The following SPOCK1 variants were observed in gnomAD, a reference collection of about 807,000 sequenced individuals.
SPOCK1 encodes the protein SPARC (osteonectin), cwcv and kazal like domains proteoglycan 1, also known as testican-1.
A neutral mutation model predicts 55.3 loss-of-function variants in SPOCK1; 23 were observed. That is an observed-to-expected ratio of 0.42 (90% CI 0.30 to 0.59). The LOEUF (loss-of-function observed/expected upper bound fraction) is 0.59. SPOCK1 is among the 20% of genes least tolerant of loss of function. The probability of loss-of-function intolerance (pLI) is 0.22; values close to 1 mark genes in which losing one functional copy is unlikely to be tolerated. For synonymous variants in SPOCK1, 226 were observed against 221.0 expected, an observed-to-expected ratio of 1.02 and a Z score of -0.20; for missense variants, 499 against 552.5, an observed-to-expected ratio of 0.90 and a Z score of 0.97.
intron 3 of SPOCK1, among the ~76,000 whole-genome samples, chr5:137,196,446 T>G (rs1755300383): frequency 6.6e-6 from 1 of 152,236 alleles, no homozygotes; most frequent in African/African-American, 2.4e-5. Flanking sequence ...GGTCCCTCTG[T>G]GGCATCTCAC....
intron 2 of SPOCK1, among the ~76,000 whole-genome samples, chr5:137,361,586 A>G (rs1019564767): frequency 1.3e-4 from 20 of 152,356 alleles, no homozygotes; most frequent in African/African-American, 4.3e-4. Context: ...ATGTGATTTC[A>G]ATTATGTAAA....
At chr5:137,027,801 TTC>T (rs139432166) in intron 6 of SPOCK1, among the ~76,000 whole-genome samples, 6,843 of 152,216 alleles carry the variant, frequency 0.045, 230 homozygotes, top group Non-Finnish European at 0.072. Context: ...GCACCCCTCA[TTC>T]TCTCTTGCAC....
At chr5:137,351,001 T>C (rs1750667408) in intron 2 of SPOCK1, among the ~76,000 whole-genome samples, 1 of 152,182 alleles carries the variant, frequency 6.6e-6, no homozygotes, top group South Asian at 2.1e-4. Flanking sequence ...CTCAGCGGAA[T>C]GTAGGTAGTC....
intron 2 of SPOCK1, among the ~76,000 whole-genome samples, chr5:137,462,752 G>T (rs1528968): frequency 0.4 from 61,232 of 152,050 alleles, 13,441 homozygotes; most frequent in East Asian, 0.64. Context: ...CCCTTAAAAG[G>T]TTAAGAGAGT....
In SPOCK1 at chr5:137,319,973, AC is replaced by A. The variant is rs1246736155; in HGVS notation, c.187-52919del. 4.4e-3 allele frequency among the ~76,000 whole-genome samples: 624 copies of A among 142,670 alleles called. 19 individuals carry two copies. The East Asian group carries it at 0.059, about 14-fold the overall frequency. The allele number at this position is 142,670 out of a possible 152,430, so 93.6% of individuals were successfully genotyped here. A position where few individuals can be genotyped will look rare whatever the true frequency, so the allele number is the denominator to read the frequency against. ...TCTCAAAAAAAAAAAAAAAAAAAAA[AC>A]AACACATGATCCAAAAAGCCTTTAT... On this transcript the variant is annotated intron_variant, in intron 2 of 10. Coordinates refer to ENST00000394945, the MANE Select transcript of SPOCK1 (RefSeq NM_004598.4).
At chr5:137,236,971 C>A (rs369618176) in intron 3 of SPOCK1, among the ~76,000 whole-genome samples, 1 of 152,160 alleles carries the variant, frequency 6.6e-6, no homozygotes, top group Admixed American at 6.5e-5. Flanking sequence ...TGAGGACCAA[C>A]GCAGGGATGA....
In SPOCK1 at chr5:137,285,400, A is replaced by G. The variant is rs150523037; in HGVS notation, c.187-18345T>C. Reference sequence around the variant, plus strand: ...CTTGAATCTTTCACAGCTAAAATCTACCTGGAAACATAAATTTCCCTCACT... The same window carrying G: ...CTTGAATCTTTCACAGCTAAAATCTGCCTGGAAACATAAATTTCCCTCACT... On this transcript the variant is annotated intron_variant, in intron 2 of 10. Coordinates refer to ENST00000394945, the MANE Select transcript of SPOCK1 (RefSeq NM_004598.4). Among the ~76,000 whole-genome samples, 957 of 152,330 alleles carry G rather than the reference A, an allele frequency of 6.3e-3. 4 individuals carry two copies. The highest frequency in any genetic ancestry group is 0.023 in the African/African-American group (937 of 41,576).
At chr5:137,237,769 G>A (rs1756206729) in intron 3 of SPOCK1, among the ~76,000 whole-genome samples, 2 of 152,150 alleles carry the variant, frequency 1.3e-5, no homozygotes, top group African/African-American at 4.8e-5. Flanking sequence ...CACCTGCAGG[G>A]CTTATTAAAA....
intron 2 of SPOCK1, among the ~76,000 whole-genome samples, chr5:137,373,932 GTT>G (rs937207687): frequency 4.2e-4 from 64 of 152,278 alleles, no homozygotes; most frequent in African/African-American, 1.4e-3. Flanking sequence ...AGCCCACACT[GTT>G]TTAGCTTCTG....
chr5:137,476,786 A>G (rs1753845744), intron 2 of SPOCK1, among the ~76,000 whole-genome samples: 1 of 152,170 alleles, frequency 6.6e-6, no homozygotes, highest in African/African-American at 2.4e-5. Flanking sequence ...TCAGCCAGGC[A>G]TGGAGGCAGG....
At chr5:137,442,043 CAA>C (rs1267825739) in intron 2 of SPOCK1, among the ~76,000 whole-genome samples, 19 of 152,178 alleles carry the variant, frequency 1.2e-4, no homozygotes, top group Admixed American at 1.1e-3. Flanking sequence ...GCAAAAAGAA[CAA>C]AGTCTGTCAG....
chr5:136,988,898 A>G (rs991487623), intron 7 of SPOCK1: 4 of 368,260 alleles, frequency 1.1e-5, no homozygotes, highest in African/African-American at 4.1e-5. Flanking sequence ...CAATGTTAAC[A>G]TATCTGTGAT....
chr5:137,100,214 C>G (rs1378704387), intron 5 of SPOCK1, among the ~76,000 whole-genome samples: 3 of 152,258 alleles, frequency 2.0e-5, no homozygotes, highest in Admixed American at 2.0e-4. Context: ...ATAAGCCTTA[C>G]AGTTAAAATC....
intron 6 of SPOCK1, among the ~76,000 whole-genome samples, chr5:136,998,689 G>A (rs1751093250): frequency 6.6e-6 from 1 of 152,216 alleles, no homozygotes; most frequent in Non-Finnish European, 1.5e-5. Context: ...TGGAGGGAGA[G>A]CAAGTAGGCT....
chr5:137,198,684 T>A (rs991613817), intron 3 of SPOCK1, among the ~76,000 whole-genome samples: 1 of 152,228 alleles, frequency 6.6e-6, no homozygotes, highest in Non-Finnish European at 1.5e-5. Context: ...ATGGCTAGCA[T>A]CTCCTTGACT....
At chr5:137,044,693 G>T (rs1246869745) in intron 6 of SPOCK1, among the ~76,000 whole-genome samples, 1 of 151,500 alleles carries the variant, frequency 6.6e-6, no homozygotes, top group African/African-American at 2.4e-5. Flanking sequence ...TGCACATTGT[G>T]CAGGTTAGTT....
chr5:137,014,282 C>A (rs555036362), intron 6 of SPOCK1, among the ~76,000 whole-genome samples: 2 of 152,278 alleles, frequency 1.3e-5, no homozygotes, highest in East Asian at 3.9e-4. Flanking sequence ...CACTTGCCAG[C>A]ACTATGCTTC....
chr5:137,157,583 A>T (rs1025350051), intron 3 of SPOCK1, among the ~76,000 whole-genome samples: 1 of 152,110 alleles, frequency 6.6e-6, no homozygotes, highest in African/African-American at 2.4e-5. Context: ...AGCACCATGT[A>T]TCCAAAAGCT....
At chr5:137,176,432 G>C (rs766307871) in intron 3 of SPOCK1, among the ~76,000 whole-genome samples, 3 of 152,070 alleles carry the variant, frequency 2.0e-5, no homozygotes, top group Non-Finnish European at 2.9e-5. Flanking sequence ...AAATAGACTT[G>C]AGATGTTCTA....
Sources: gnomAD v4.1 joint callset for allele counts (sites outside exome capture counted in the v4.1 genomes callset) on GRCh38, gnomAD v4.1.1 for gene constraint, MANE v1.5 for transcripts, NCBI Gene and HGNC (gene_info 2026-07-23, HGNC 2026-07-21) for gene names.